The following SHCBP1 variants were observed in gnomAD, a reference collection of about 807,000 sequenced individuals.
The protein encoded by SHCBP1 is SHC binding and spindle associated 1, also known as SHC SH2 domain-binding protein 1.
A neutral mutation model predicts 75.1 loss-of-function variants in SHCBP1; 60 were observed. The ratio of observed to expected loss-of-function variants is 0.80; its 90% CI spans 0.65 to 0.99. The LOEUF (loss-of-function observed/expected upper bound fraction) is 0.99. Among genes scored for constraint, SHCBP1 ranks in the 50% least tolerant of loss-of-function variants. The pLI is 0.00. For missense variants in SHCBP1, 709 were observed against 809.4 expected (o/e 0.88, Z 1.50); for synonymous variants, 290 against 293.2 (o/e 0.99, Z 0.11).
Position 46,595,536 on chromosome 16 carries a change from G to C in SHCBP1, c.1464+16C>G, listed in dbSNP as rs750726620. Reference sequence around the variant, plus strand: ...TTAAACACAAACTACTTCCCCAAGAGGACAAGAGCTTCTACCTTGGCGCCA... The same window carrying C: ...TTAAACACAAACTACTTCCCCAAGACGACAAGAGCTTCTACCTTGGCGCCA... On this transcript the variant is annotated intron_variant, in intron 10 of 12. Transcript: ENST00000303383. 8 of 1,593,676 alleles carry C rather than the reference G, an allele frequency of 5.0e-6. No homozygotes were observed. In the Admixed American group the frequency reaches 1.2e-4, roughly 23 times the overall value.
At chr16:46,591,636 C>T (rs936970118) in intron 10 of SHCBP1, among the ~76,000 whole-genome samples, 3 of 152,024 alleles carry the variant, frequency 2.0e-5, no homozygotes, top group African/African-American at 7.2e-5. Context: ...AAGAACTCAA[C>T]ACCACCAACC....
chr16:46,584,732 A>T (rs1964930954), intron 10 of SHCBP1, among the ~76,000 whole-genome samples: 1 of 152,210 alleles, frequency 6.6e-6, no homozygotes, highest in Non-Finnish European at 1.5e-5. Context: ...AAAAAACATA[A>T]AAATAGTAAG....
At chr16:46,617,845 A>C (rs1417935602) in intron 2 of SHCBP1, 96 bp from the exon 3 acceptor site, 2 of 936,824 alleles carry the variant, frequency 2.1e-6, no homozygotes, top group Non-Finnish European at 3.4e-6. Context: ...AATCTGAGGG[A>C]CTGAAATAGA....
intron 10 of SHCBP1, among the ~76,000 whole-genome samples, chr16:46,595,265 C>T (rs550711239): frequency 6.7e-6 from 1 of 148,896 alleles, no homozygotes; most frequent in African/African-American, 2.5e-5. Flanking sequence ...AATGCAGGAC[C>T]TCTCCCTGTT....
intron 4 of SHCBP1, among the ~76,000 whole-genome samples, chr16:46,609,237 A>G (rs1454130171): frequency 2.0e-5 from 3 of 152,112 alleles, no homozygotes; most frequent in African/African-American, 4.8e-5. Context: ...CCAAGGCACA[A>G]GAATCGCTTG....
At position 46,579,965 on chromosome 16, in the gene SHCBP1, C is replaced by CA. The variant is rs951278409; in HGVS notation, c.*1763dup. On this transcript the variant is annotated 3_prime_UTR_variant, in exon 13 of 13. Transcript: ENST00000303383. ...AAATAAAATAAAAATAAAATAAATA[C>CA]AAAAAAAAAATTAGCTGGGCATGGT... 4.2e-5 allele frequency among the ~76,000 whole-genome samples: 6 copies of CA among 143,006 alleles called. No homozygotes were observed. Among genetic ancestry groups the CA allele is most frequent in the Admixed American group, 1.4e-4 (2 of 14,288 alleles). 93.8% of individuals were successfully genotyped at this position (143,006 alleles called of 152,430 possible).
chr16:46,604,183 T>TAAGAA, intron 6 of SHCBP1, 40 bp from the exon 7 acceptor site: 1 of 1,612,912 alleles, frequency 6.2e-7, no homozygotes, highest in Non-Finnish European at 8.5e-7. Flanking sequence ...AGACAGCAAG[T>TAAGAA]AAGAAAAGAT....
intron 10 of SHCBP1, among the ~76,000 whole-genome samples, chr16:46,594,384 CA>C (rs754220343): frequency 1.1e-4 from 16 of 152,094 alleles, no homozygotes; most frequent in Non-Finnish European, 2.2e-4. Context: ...AGAGAACTCT[CA>C]AACCTCTACA....
At chr16:46,611,131 T>C (rs772722129) in intron 4 of SHCBP1, among the ~76,000 whole-genome samples, 12 of 152,180 alleles carry the variant, frequency 7.9e-5, no homozygotes, top group Non-Finnish European at 1.3e-4. Flanking sequence ...TGTGTCTACC[T>C]TGTCCCAGTC....
At chr16:46,610,822 G>A (rs1343919486) in intron 4 of SHCBP1, among the ~76,000 whole-genome samples, 2 of 151,766 alleles carry the variant, frequency 1.3e-5, no homozygotes, top group East Asian at 3.9e-4. Flanking sequence ...GCCTCCCAGA[G>A]TGCTACAATT....
In SHCBP1 at chr16:46,583,470, G is replaced by A. The variant is rs749340051; in HGVS notation, c.1693+46C>T. 4 of 1,553,488 alleles carry A rather than the reference G, an allele frequency of 2.6e-6. 1 individual carries two copies. Among genetic ancestry groups the A allele is most frequent in the South Asian group, 2.5e-5 (2 of 81,114 alleles). On this transcript the variant is annotated intron_variant, in intron 12 of 12. Transcript: ENST00000303383. The stretch of plus-strand genomic sequence containing the variant: ...AGATCCTTAATCAGCATTTAATGCT[G>A]AAATAAATTATGTCTGGTTTTTATA...
chr16:46,590,477 T>C (rs1336873350), intron 10 of SHCBP1, among the ~76,000 whole-genome samples: 1 of 151,398 alleles, frequency 6.6e-6, no homozygotes, highest in Non-Finnish European at 1.5e-5. Flanking sequence ...CAAGAAAAAA[T>C]CAAACAACCC....
chr16:46,607,689 A>C (rs1965346201), intron 5 of SHCBP1, among the ~76,000 whole-genome samples: 1 of 152,196 alleles, frequency 6.6e-6, no homozygotes, highest in Non-Finnish European at 1.5e-5. Context: ...CTGCTTATGA[A>C]TACAAGAAAA....
chr16:46,607,683 T>C (rs1163162638), intron 5 of SHCBP1, among the ~76,000 whole-genome samples: 1 of 152,194 alleles, frequency 6.6e-6, no homozygotes, highest in African/African-American at 2.4e-5. Flanking sequence ...AAGTTACTGC[T>C]TATGAATACA....
At chr16:46,611,076 C>G (rs1965408983) in intron 4 of SHCBP1, among the ~76,000 whole-genome samples, 1 of 152,178 alleles carries the variant, frequency 6.6e-6, no homozygotes, top group African/African-American at 2.4e-5. Flanking sequence ...TCCAGGTACT[C>G]TGATTTCCTC....
In SHCBP1 at chr16:46,615,540, G is replaced by T. The variant is rs574488115; in HGVS notation, c.596+406C>A. ...GGATCACCTGAGGTCAAGAGTTCGA[G>T]ACTGACCTGGCCAACATAGTGAAAC... On this transcript the variant is annotated intron_variant, in intron 4 of 12. Transcript: ENST00000303383. 1.2e-4 allele frequency among the ~76,000 whole-genome samples: 18 copies of T among 152,286 alleles called. No individual in the cohort carries two copies. The South Asian group carries it at 3.5e-3, about 30-fold the overall frequency.
At chr16:46,619,665 C>CTT (rs905678254) in intron 1 of SHCBP1, among the ~76,000 whole-genome samples, 9 of 151,876 alleles carry the variant, frequency 5.9e-5, no homozygotes, top group African/African-American at 2.2e-4. Flanking sequence ...CAGCACCATT[C>CTT]TTTTTTTTTC....
intron 5 of SHCBP1, among the ~76,000 whole-genome samples, chr16:46,607,109 CT>C (rs1300567807): frequency 6.6e-6 from 1 of 152,094 alleles, no homozygotes; most frequent in Non-Finnish European, 1.5e-5. Flanking sequence ...AATCCCAGCA[CT>C]TTGGGAGGCG....
intron 4 of SHCBP1, among the ~76,000 whole-genome samples, chr16:46,612,639 ACT>A (rs1189614048): frequency 6.6e-6 from 1 of 151,894 alleles, no homozygotes; most frequent in Non-Finnish European, 1.5e-5. Flanking sequence ...TTGTACCTAA[ACT>A]CTCAATTTCA....
Sources: allele counts gnomAD v4.1 joint callset (sites outside exome capture counted in the v4.1 genomes callset), GRCh38; gene constraint gnomAD v4.1.1; transcripts MANE v1.5; gene names NCBI Gene and HGNC (gene_info 2026-07-23, HGNC 2026-07-21).